The following FRMD4B variants were observed in gnomAD, a reference collection of about 807,000 sequenced individuals.
FRMD4B encodes FERM domain-containing protein 4B.
In FRMD4B, 74 loss-of-function variants were observed where a neutral mutation model predicts 141.5. That is an observed-to-expected ratio of 0.52 (90% CI 0.43 to 0.63). The LOEUF (loss-of-function observed/expected upper bound fraction) is 0.63. FRMD4B is among the 30% of genes least tolerant of loss of function. FRMD4B has a pLI of 0.00. For synonymous variants in FRMD4B, 506 were observed against 467.9 expected, an observed-to-expected ratio of 1.08 and a Z score of -1.05; for missense variants, 1,366 against 1,253.4, an observed-to-expected ratio of 1.09 and a Z score of -1.36.
intron 2 of FRMD4B, among the ~76,000 whole-genome samples, chr3:69,312,524 G>A (rs537404390): frequency 4.5e-4 from 68 of 152,332 alleles, no homozygotes; most frequent in African/African-American, 1.1e-3. Flanking sequence ...GGTGTGGCCC[G>A]TCCGCAGGGA....
At chr3:69,458,017 C>T (rs1176558891) in intron 1 of FRMD4B, among the ~76,000 whole-genome samples, 2 of 152,206 alleles carry the variant, frequency 1.3e-5, no homozygotes, top group African/African-American at 4.8e-5. Context: ...TTCTCCCTCT[C>T]TTGTTCACTC....
At chr3:69,502,673 T>C (rs1276773651) in intron 1 of FRMD4B, among the ~76,000 whole-genome samples, 1 of 152,094 alleles carries the variant, frequency 6.6e-6, no homozygotes, top group Non-Finnish European at 1.5e-5. Context: ...AAAGCCAAAA[T>C]TGACAAATGG....
intron 4 of FRMD4B, among the ~76,000 whole-genome samples, chr3:69,297,705 T>C (rs1301261304): frequency 6.6e-6 from 1 of 151,910 alleles, no homozygotes; most frequent in Non-Finnish European, 1.5e-5. Flanking sequence ...TGGGCTGCAT[T>C]ACCAAGAGGC....
At chr3:69,249,345 GTTTTGTTTTGAAGAGTGTT>G (rs2093446443) in intron 6 of FRMD4B, 97 bp from the exon 7 acceptor site, 1 of 807,614 alleles carries the variant, frequency 1.2e-6, no homozygotes. Flanking sequence ...AAGTTCCTGA[GTTTTGTTTTGAAGAGTGTT>G]TCTCAGGAAT....
intron 1 of FRMD4B, among the ~76,000 whole-genome samples, chr3:69,452,509 G>A (rs1438341451): frequency 6.6e-6 from 1 of 152,220 alleles, no homozygotes; most frequent in Non-Finnish European, 1.5e-5. Flanking sequence ...TAGGTATTGA[G>A]TTAAAGTTTA....
chr3:69,444,250 T>A (rs557417928), intron 1 of FRMD4B, among the ~76,000 whole-genome samples: 2 of 152,326 alleles, frequency 1.3e-5, no homozygotes, highest in Admixed American at 1.3e-4. Context: ...ACTCTTTGTT[T>A]ACTGCAATAA....
intron 1 of FRMD4B, among the ~76,000 whole-genome samples, chr3:69,446,108 AC>A (rs1236976917): frequency 6.6e-6 from 1 of 151,750 alleles, no homozygotes; most frequent in Admixed American, 6.6e-5. Context: ...ACTCACTATA[AC>A]CTCCGCCTCC....
intron 3 of FRMD4B, among the ~76,000 whole-genome samples, chr3:69,305,710 T>C (rs569176154): frequency 6.6e-6 from 1 of 152,248 alleles, no homozygotes; most frequent in South Asian, 2.1e-4. Context: ...GCTATGATCA[T>C]GCCACTGCAC....
chr3:69,366,316 A>G (rs1255369824), intron 1 of FRMD4B, among the ~76,000 whole-genome samples: 2 of 152,152 alleles, frequency 1.3e-5, no homozygotes, highest in East Asian at 3.8e-4. Context: ...AATGTCCATC[A>G]ATAGGAGACT....
chr3:69,444,074 G>A (rs1276758752), intron 1 of FRMD4B, among the ~76,000 whole-genome samples: 1 of 152,010 alleles, frequency 6.6e-6, no homozygotes, highest in African/African-American at 2.4e-5. Flanking sequence ...CAGCACACGA[G>A]GACCATTTTC....
At chr3:69,528,343 CT>C (rs1206475644) in intron 1 of FRMD4B, among the ~76,000 whole-genome samples, 1 of 145,352 alleles carries the variant, frequency 6.9e-6, no homozygotes, top group Non-Finnish European at 1.5e-5. Flanking sequence ...CTCTCTTTTT[CT>C]TTCCTTTTCC....
chr3:69,347,982 C>G (rs1703003336), intron 1 of FRMD4B, among the ~76,000 whole-genome samples: 1 of 152,140 alleles, frequency 6.6e-6, no homozygotes, highest in Non-Finnish European at 1.5e-5. Context: ...TAACTAAGAT[C>G]AGAGCAGAAC....
At chr3:69,437,579 A>G (rs1705278376) in intron 1 of FRMD4B, among the ~76,000 whole-genome samples, 1 of 141,330 alleles carries the variant, frequency 7.1e-6, no homozygotes, top group African/African-American at 2.6e-5. Context: ...ATTATATATC[A>G]GTATATTATT....
At chr3:69,406,040 C>A (rs533732843) in intron 2 of FRMD4B, among the ~76,000 whole-genome samples, 1 of 152,240 alleles carries the variant, frequency 6.6e-6, no homozygotes, top group South Asian at 2.1e-4. Context: ...CAAAGAATAT[C>A]AATAACACCA....
At chr3:69,216,426 C>CCA in intron 10 of FRMD4B, 77 bp from the exon 11 acceptor site, 13 of 653,968 alleles carry the variant, frequency 2.0e-5, no homozygotes, top group East Asian at 5.9e-5. Flanking sequence ...ACCAATTTCA[C>CCA]CTCTTTTTTT....
intron 5 of FRMD4B, among the ~76,000 whole-genome samples, chr3:69,257,868 C>T (rs1377238921): frequency 6.6e-6 from 1 of 152,126 alleles, no homozygotes; most frequent in Non-Finnish European, 1.5e-5. Flanking sequence ...ACTCTGTCAC[C>T]CAGGCTGGAG....
intron 7 of FRMD4B, among the ~76,000 whole-genome samples, chr3:69,236,475 C>T (rs538657968): frequency 4.6e-5 from 7 of 152,178 alleles, no homozygotes; most frequent in South Asian, 2.1e-4. Context: ...ATGATCCGCC[C>T]GCCTTGGCCT....
At chr3:69,219,597 T>G (rs1183314261) in intron 9 of FRMD4B, among the ~76,000 whole-genome samples, 1 of 152,040 alleles carries the variant, frequency 6.6e-6, no homozygotes, top group Non-Finnish European at 1.5e-5. Context: ...ACTCTGCATT[T>G]AAGCATGGGT....
At chr3:69,252,911 T>C (rs1288247766) in intron 5 of FRMD4B, among the ~76,000 whole-genome samples, 1 of 152,080 alleles carries the variant, frequency 6.6e-6, no homozygotes, top group Non-Finnish European at 1.5e-5. Flanking sequence ...GTGAGTCAGA[T>C]GATGTGGCTG....
Sources: gnomAD v4.1 joint callset for allele counts (sites outside exome capture counted in the v4.1 genomes callset) on GRCh38, gnomAD v4.1.1 for gene constraint, MANE v1.5 for transcripts, NCBI Gene and HGNC (gene_info 2026-07-23, HGNC 2026-07-21) for gene names.